Variants in DYM observed in about 807,000 individuals in gnomAD.
DYM encodes the protein dyggve-Melchior-Clausen syndrome protein.
DYM carries 78 observed loss-of-function variants against 93.1 expected under a neutral mutation model. The ratio of observed to expected loss-of-function variants is 0.84; its 90% CI spans 0.70 to 1.01. DYM has a LOEUF of 1.01. Ranked by LOEUF, DYM falls within the 50% of genes least tolerant of loss-of-function variation. The pLI is 0.00. For missense variants in DYM, 789 were observed against 845.0 expected, an observed-to-expected ratio of 0.93 and a Z score of 0.82; for synonymous variants, 321 against 319.7, an observed-to-expected ratio of 1.00 and a Z score of -0.04.
chr18:49,049,308 C>A (rs2144288637), intron 17 of DYM, among the ~76,000 whole-genome samples: 1 of 152,280 alleles, frequency 6.6e-6, no homozygotes, highest in East Asian at 1.9e-4. Flanking sequence ...GAGTTTCAGT[C>A]CCATCTTTTC....
chr18:49,178,408 T>A (rs1361230900), intron 14 of DYM, among the ~76,000 whole-genome samples: 2 of 152,154 alleles, frequency 1.3e-5, no homozygotes, highest in Non-Finnish European at 2.9e-5. Flanking sequence ...AAGATTCAAA[T>A]GTGTGTAAGG....
chr18:49,351,524 C>T (rs1449258114), intron 6 of DYM, among the ~76,000 whole-genome samples: 1 of 151,484 alleles, frequency 6.6e-6, no homozygotes, highest in Non-Finnish European at 1.5e-5. Flanking sequence ...CACACTAACA[C>T]ATCACCATAT....
intron 14 of DYM, among the ~76,000 whole-genome samples, chr18:49,175,079 G>A (rs980917187): frequency 6.6e-6 from 1 of 152,064 alleles, no homozygotes; most frequent in Admixed American, 6.6e-5. Flanking sequence ...TTATTTGTTT[G>A]CTTCAATATG....
At chr18:49,368,196 T>C (rs2066685758) in intron 5 of DYM, among the ~76,000 whole-genome samples, 1 of 152,234 alleles carries the variant, frequency 6.6e-6, no homozygotes, top group African/African-American at 2.4e-5. Flanking sequence ...GAAATGTTTC[T>C]AATTACCCTA....
intron 15 of DYM, among the ~76,000 whole-genome samples, chr18:49,129,382 C>T (rs1338501315): frequency 6.6e-6 from 1 of 152,144 alleles, no homozygotes; most frequent in Non-Finnish European, 1.5e-5. Flanking sequence ...CTTAATAAAT[C>T]TTAAATCTTC....
chr18:49,362,490 T>C (rs755530210), intron 6 of DYM, among the ~76,000 whole-genome samples: 5 of 152,118 alleles, frequency 3.3e-5, no homozygotes, highest in African/African-American at 4.8e-5. Flanking sequence ...GTGGTACTGG[T>C]AGTTGTTGGC....
At chr18:49,110,313 G>A (rs2081276006) in intron 16 of DYM, among the ~76,000 whole-genome samples, 1 of 152,064 alleles carries the variant, frequency 6.6e-6, no homozygotes. Context: ...TGCTATTTTT[G>A]GAGCTCTTAA....
intron 1 of DYM, among the ~76,000 whole-genome samples, chr18:49,445,156 A>G (rs902709869): frequency 4.6e-5 from 7 of 152,222 alleles, no homozygotes; most frequent in African/African-American, 1.4e-4. Flanking sequence ...TACTTACATA[A>G]TGAAATAATT....
At chr18:49,167,333 G>A (rs2088035427) in intron 14 of DYM, among the ~76,000 whole-genome samples, 1 of 151,980 alleles carries the variant, frequency 6.6e-6, no homozygotes, top group Non-Finnish European at 1.5e-5. Flanking sequence ...CACAAATGTT[G>A]AAATGGTATA....
At position 49,331,945 on chromosome 18, in the gene DYM, G is replaced by A; in HGVS notation, c.682C>T (p.Pro228Ser). Residue 228 changes from proline to serine, a missense_variant, in exon 8 of 18, where the codon CCA becomes TCA. By Grantham distance (74) the Pro-to-Ser change is moderately conservative. Around this residue, in one of 3 missense-constraint regions of DYM, gnomAD observed 450 missense variants for 436.2 expected, o/e 1.03. Coordinates refer to ENST00000675505, the MANE Select transcript of DYM (RefSeq NM_001353214.3). ...LLYNFIRQEK[P>S]PPPGAHVFPQ... The stretch of plus-strand genomic sequence containing the variant: ...AAAACATGGGCCCCTGGAGGAGGTG[G>A]CTTTTCTTGTCTGATAAAGTTATAT... The A allele has an allele frequency of 6.2e-7, 1 of 1,614,018 alleles. No homozygotes were observed. Among genetic ancestry groups the A allele is most frequent in the Non-Finnish European group, 8.5e-7 (1 of 1,179,986 alleles).
At chr18:49,211,785 T>C (rs1463939891) in intron 13 of DYM, among the ~76,000 whole-genome samples, 1 of 152,118 alleles carries the variant, frequency 6.6e-6, no homozygotes, top group Non-Finnish European at 1.5e-5. Flanking sequence ...TCCTCTGAAA[T>C]AGAGAAAGTC....
chr18:49,255,193 A>C (rs761531915), intron 13 of DYM, among the ~76,000 whole-genome samples: 2 of 152,248 alleles, frequency 1.3e-5, no homozygotes, highest in Non-Finnish European at 2.9e-5. Context: ...AGAATGTGAG[A>C]TCAGCATTTA....
rs190362452 is a variant in DYM, at chr18:49,223,062, A to T, written c.1461-13347T>A. On this transcript the variant is annotated intron_variant, in intron 13 of 17. Transcript: ENST00000675505. The stretch of plus-strand genomic sequence containing the variant: ...CACGTATTAAGTATTTTTGCCAAAA[A>T]ATTCCATCTAAATGATCTATCATCT... Among the ~76,000 whole-genome samples the T allele has an allele frequency of 2.0e-4, 30 of 152,234 alleles. No individual in the cohort carries two copies. The East Asian group carries it at 4.8e-3, about 24-fold the overall frequency.
At chr18:49,317,593 CT>C (rs1568236008) in intron 8 of DYM, among the ~76,000 whole-genome samples, 4 of 10,106 alleles carry the variant, frequency 4.0e-4, no homozygotes, top group African/African-American at 2.5e-3. Flanking sequence ...CTCTCTCTCT[CT>C]CTCCCCCCTC....
intron 17 of DYM, among the ~76,000 whole-genome samples, chr18:49,087,346 A>C (rs904992329): frequency 6.6e-6 from 1 of 152,242 alleles, no homozygotes; most frequent in Non-Finnish European, 1.5e-5. Context: ...AATAATAAAG[A>C]CTAAATTTTT....
At chr18:49,063,852 C>T (rs538349063) in intron 17 of DYM, among the ~76,000 whole-genome samples, 8 of 152,132 alleles carry the variant, frequency 5.3e-5, no homozygotes, top group South Asian at 2.1e-4. Flanking sequence ...TGGTCTTGAA[C>T]GCCTGGCCTC....
At chr18:49,258,337 G>A (rs990344382) in intron 12 of DYM, 43 bp downstream of exon 12, 3 of 1,344,346 alleles carry the variant, frequency 2.2e-6, no homozygotes, top group Admixed American at 1.7e-5. Flanking sequence ...CGTCTTAATT[G>A]TACTGTATGC....
intron 1 of DYM, among the ~76,000 whole-genome samples, chr18:49,441,174 AT>A (rs1459364480): frequency 4.9e-5 from 1 of 20,218 alleles, no homozygotes; most frequent in African/African-American, 1.8e-4. Flanking sequence ...ATATTATATA[AT>A]TATATATTTA....
chr18:49,424,758 C>G (rs1314193562), intron 2 of DYM, among the ~76,000 whole-genome samples: 2 of 152,068 alleles, frequency 1.3e-5, no homozygotes, highest in East Asian at 3.8e-4. Context: ...AACAGACAAA[C>G]AGAGAGCCAA....
Sources: gnomAD v4.1 joint callset for allele counts (sites outside exome capture counted in the v4.1 genomes callset) on GRCh38, gnomAD v4.1.1 for gene constraint, gnomAD v4.1.1 regional missense constraint, MANE v1.5 for transcripts, NCBI Gene and HGNC (gene_info 2026-07-23, HGNC 2026-07-21) for gene names.